Variants in FAM135A observed in about 807,000 individuals in gnomAD.
FAM135A encodes the protein protein FAM135A.
In FAM135A, 79 loss-of-function variants were observed where a neutral mutation model predicts 146.8. That is an observed-to-expected ratio of 0.54 (90% CI 0.45 to 0.65). The LOEUF is 0.65. Among genes scored for constraint, FAM135A ranks in the 30% least tolerant of loss-of-function variants. The probability of loss-of-function intolerance (pLI) is 0.00; values close to 1 mark genes in which losing one functional copy is unlikely to be tolerated. For synonymous variants in FAM135A, 562 were observed against 603.6 expected (o/e 0.93, Z 1.01); for missense variants, 1,623 against 1,758.2 (o/e 0.92, Z 1.38).
chr6:70,555,576 A>G (rs187643702), intron 20 of FAM135A, among the ~76,000 whole-genome samples: 84 of 151,382 alleles, frequency 5.5e-4, no homozygotes, highest in Non-Finnish European at 1.0e-3. Context: ...TCTTAAAGCT[A>G]TACACACCTA....
At chr6:70,442,239 GTTTTTT>G (rs1264461872) in intron 4 of FAM135A, among the ~76,000 whole-genome samples, 1 of 125,966 alleles carries the variant, frequency 7.9e-6, no homozygotes, top group Non-Finnish European at 1.7e-5. Context: ...TTCTTCATGG[GTTTTTT>G]TTTTTTTTTT....
chr6:70,461,498 A>G (rs1779437621), intron 5 of FAM135A, among the ~76,000 whole-genome samples: 2 of 152,320 alleles, frequency 1.3e-5, no homozygotes, highest in East Asian at 1.9e-4. Flanking sequence ...TGTGTTATGT[A>G]TAATTTCTAT....
In FAM135A at chr6:70,526,336, G is replaced by C; in HGVS notation, c.3252G>C (p.Glu1084Asp). The C allele has an allele frequency of 6.2e-7, 1 of 1,613,382 alleles. No individual in the cohort carries two copies. Among genetic ancestry groups the C allele is most frequent in the Non-Finnish European group, 8.5e-7 (1 of 1,179,626 alleles). The change falls in exon 15 of 22, where the codon GAG becomes GAC. Residue 1084 changes from glutamate (E) to aspartate (D), a missense_variant. Glu to Asp is a conservative substitution (Grantham distance 45). This residue lies in a region of FAM135A where 1,061 missense variants were observed against 1,113.8 expected (regional missense o/e 0.95). Transcript: ENST00000418814. ...ATCTTCAGCAGGAACAGGATAAAGAGGATGAGGAGGAAGAGCAGGATCAAC... is the reference window on the plus strand; with the variant it reads ...ATCTTCAGCAGGAACAGGATAAAGACGATGAGGAGGAAGAGCAGGATCAAC... ...ISNLQQEQDKEDEEEEQDQQM... is the reference protein window; with the variant it reads ...ISNLQQEQDKDDEEEEQDQQM...
At position 70,452,476 on chromosome 6, in the gene FAM135A, G is replaced by A. The variant is rs370276504; in HGVS notation, c.78-16G>A. Reference sequence around the variant, plus strand: ...AAATATGTTTTGAAATAACTTCCTTGTTTATTTTGCTTTAGTTTTTACCAG... The same window carrying A: ...AAATATGTTTTGAAATAACTTCCTTATTTATTTTGCTTTAGTTTTTACCAG... On this transcript the variant is annotated splice_polypyrimidine_tract_variant and intron_variant, in intron 4 of 21. Coordinates refer to ENST00000418814, the MANE Select transcript of FAM135A (RefSeq NM_001162529.3). 2 of 1,578,014 alleles carry A rather than the reference G, an allele frequency of 1.3e-6. No homozygotes were observed. Among genetic ancestry groups the A allele is most frequent in the Non-Finnish European group, 1.7e-6 (2 of 1,160,504 alleles).
In FAM135A at chr6:70,526,766, T is replaced by TACACACACACAC. The variant is rs71538422; in HGVS notation, c.3614+94_3614+105dup. On this transcript the variant is annotated intron_variant, in intron 15 of 21. Coordinates refer to ENST00000418814, the MANE Select transcript of FAM135A (RefSeq NM_001162529.3). ...ATATATATATACACACACACACACATACACACACACACACACACACACACA... is the reference window on the plus strand; with the variant it reads ...ATATATATATACACACACACACACATACACACACACACACACACACACACACACACACACACA... The TACACACACACAC allele has an allele frequency of 7.4e-4, 336 of 452,674 alleles. 2 individuals are homozygous for TACACACACACAC. In the African/African-American group the frequency reaches 7.5e-3, roughly 10 times the overall value. 28.0% of individuals were successfully genotyped at this position (452,674 alleles called of 1,614,324 possible). A position where few individuals can be genotyped will look rare whatever the true frequency, so the allele number is the denominator to read the frequency against.
chr6:70,481,758 G>A (rs990227131), intron 9 of FAM135A, among the ~76,000 whole-genome samples: 2 of 151,820 alleles, frequency 1.3e-5, no homozygotes, highest in Non-Finnish European at 2.9e-5. Flanking sequence ...TAAATACCAT[G>A]CTATCAAAAA....
chr6:70,491,622 A>C (rs1045885735), intron 11 of FAM135A, among the ~76,000 whole-genome samples: 1 of 151,936 alleles, frequency 6.6e-6, no homozygotes, highest in Admixed American at 6.5e-5. Flanking sequence ...TCAAACAAAA[A>C]TATGTATTTG....
intron 7 of FAM135A, 29 bp downstream of exon 7, chr6:70,475,762 T>C (rs767485468): frequency 2.6e-6 from 4 of 1,522,388 alleles, no homozygotes; most frequent in Admixed American, 3.6e-5. Context: ...AAAAAACCTT[T>C]AGGCACTTAT....
intron 10 of FAM135A, among the ~76,000 whole-genome samples, chr6:70,487,807 A>G (rs1784980429): frequency 1.3e-5 from 2 of 152,212 alleles, no homozygotes; most frequent in South Asian, 4.1e-4. Flanking sequence ...ACATGTGAGC[A>G]TTCTAAATAA....
intron 5 of FAM135A, among the ~76,000 whole-genome samples, chr6:70,456,388 A>G (rs16869228): frequency 0.046 from 7,037 of 152,234 alleles, 361 homozygotes; most frequent in African/African-American, 0.11. Context: ...TTAATCATTA[A>G]TCATTTAGCA....
intron 20 of FAM135A, among the ~76,000 whole-genome samples, chr6:70,545,358 A>C (rs1361399920): frequency 4.6e-5 from 7 of 152,174 alleles, no homozygotes. Flanking sequence ...CATGCATGTA[A>C]TCCCAGCACT....
chr6:70,465,369 C>T (rs1169380206), intron 5 of FAM135A, among the ~76,000 whole-genome samples: 2 of 152,086 alleles, frequency 1.3e-5, no homozygotes, highest in Admixed American at 6.6e-5. Flanking sequence ...TTTATCAGTT[C>T]TTCTGGATAA....
intron 20 of FAM135A, among the ~76,000 whole-genome samples, chr6:70,552,492 G>A (rs1202657852): frequency 2.1e-5 from 3 of 143,520 alleles, no homozygotes; most frequent in African/African-American, 5.2e-5. Context: ...TTTTTGAGAC[G>A]GAGGCTTGCT....
chr6:70,510,873 A>C (rs28555262), intron 12 of FAM135A, among the ~76,000 whole-genome samples: 3,829 of 152,124 alleles, frequency 0.025, 164 homozygotes, highest in African/African-American at 0.088. Flanking sequence ...GCACCACCTT[A>C]CATTCCCACC....
chr6:70,416,807 GA>G (rs1767669835), intron 2 of FAM135A, among the ~76,000 whole-genome samples: 1 of 152,048 alleles, frequency 6.6e-6, no homozygotes. Context: ...TAATATAGAA[GA>G]AATCATTCTT....
chr6:70,516,674 A>G (rs1429747607), intron 12 of FAM135A, among the ~76,000 whole-genome samples: 3 of 151,274 alleles, frequency 2.0e-5, no homozygotes, highest in African/African-American at 7.3e-5. Context: ...AGCTGGGACT[A>G]CAGGCACTCG....
intron 12 of FAM135A, chr6:70,503,024 A>G: frequency 9.3e-6 from 3 of 320,902 alleles, no homozygotes. Flanking sequence ...ACCTAAAAGT[A>G]AGTAAAATAG....
In FAM135A at chr6:70,452,535, C is replaced by T. The variant is rs1369823473; in HGVS notation, c.121C>T (p.Pro41Ser). ...TTCTATGAAAATTCCATCAAGAATT[C>T]CCCACAGAGTAGAAGCTAGTTTGTT... ...RASMKIPSRI[P>S]HRVEASLLHA... Residue 41 changes from proline to serine, a missense_variant, in exon 5 of 22, where the codon CCC becomes TCC. Pro to Ser is a moderately conservative substitution (Grantham distance 74). Transcript: ENST00000418814. 2 of 1,596,912 alleles carry T rather than the reference C, an allele frequency of 1.3e-6. No individual in the cohort carries two copies. The highest frequency in any genetic ancestry group is 2.7e-5 in the African/African-American group (2 of 73,788).
intron 20 of FAM135A, among the ~76,000 whole-genome samples, chr6:70,546,591 T>A (rs1798909617): frequency 6.6e-6 from 1 of 152,238 alleles, no homozygotes; most frequent in African/African-American, 2.4e-5. Context: ...TTTGTGTGTT[T>A]TGTAAAACAA....
Sources: allele counts gnomAD v4.1 joint callset (sites outside exome capture counted in the v4.1 genomes callset), GRCh38; gene constraint gnomAD v4.1.1; regional missense constraint gnomAD v4.1.1; transcripts MANE v1.5; gene names NCBI Gene and HGNC (gene_info 2026-07-23, HGNC 2026-07-21).